WWP1: variants seen among roughly 807,000 people sequenced by gnomAD.
The protein encoded by WWP1 is WW domain containing E3 ubiquitin protein ligase 1, also known as NEDD4-like E3 ubiquitin-protein ligase WWP1.
A neutral mutation model predicts 130.6 loss-of-function variants in WWP1; 49 were observed. That is an observed-to-expected ratio of 0.38 (90% confidence interval 0.30 to 0.48). The LOEUF is 0.48. Ranked by LOEUF, WWP1 falls within the 20% of genes least tolerant of loss-of-function variation. WWP1 has a pLI of 0.99. For synonymous variants in WWP1, 332 were observed against 367.8 expected, an observed-to-expected ratio of 0.90 and a Z score of 1.11; for missense variants, 809 against 1,100.6, an observed-to-expected ratio of 0.74 and a Z score of 3.75.
chr8:86,422,951 G>A (rs1034330166), intron 9 of WWP1, among the ~76,000 whole-genome samples: 1 of 151,882 alleles, frequency 6.6e-6, no homozygotes, highest in Admixed American at 6.6e-5. Flanking sequence ...TCTTTAAGGC[G>A]ATTTCTGCTA....
At chr8:86,436,833 T>A (rs1810312007) in intron 16 of WWP1, among the ~76,000 whole-genome samples, 1 of 152,178 alleles carries the variant, frequency 6.6e-6, no homozygotes, top group African/African-American at 2.4e-5. Flanking sequence ...GGACTTTTAT[T>A]TATACTTTGT....
chr8:86,388,411 T>C (rs1165647910), intron 5 of WWP1, among the ~76,000 whole-genome samples: 4 of 152,206 alleles, frequency 2.6e-5, no homozygotes, highest in African/African-American at 4.8e-5. Context: ...GTTGTCTTTT[T>C]TGTAAGGATC....
chr8:86,407,613 A>G (rs1346642842), intron 8 of WWP1, among the ~76,000 whole-genome samples: 1 of 152,200 alleles, frequency 6.6e-6, no homozygotes, highest in Non-Finnish European at 1.5e-5. Flanking sequence ...TATGAACAGT[A>G]ATCTCTCCAG....
At position 86,412,895 on chromosome 8, in the gene WWP1, C is replaced by T. The variant is rs533148014; in HGVS notation, c.1061+1021C>T. Reference sequence around the variant, plus strand: ...CCAGGCTAGAGTGCAATGGCACGATCTTGGCTCACTGCAACTTCCGCCTCC... The same window carrying T: ...CCAGGCTAGAGTGCAATGGCACGATTTTGGCTCACTGCAACTTCCGCCTCC... On this transcript the variant is annotated intron_variant, in intron 9 of 24. Transcript: ENST00000517970. Among the ~76,000 whole-genome samples, 76 of 152,210 alleles carry T rather than the reference C, an allele frequency of 5.0e-4. 2 individuals are homozygous for T. Among genetic ancestry groups the T allele is most frequent in the Admixed American group, 4.0e-3 (61 of 15,290 alleles).
chr8:86,383,406 T>G (rs1334368920), intron 5 of WWP1, among the ~76,000 whole-genome samples: 1 of 152,218 alleles, frequency 6.6e-6, no homozygotes, highest in Non-Finnish European at 1.5e-5. Context: ...GGTTGTAATG[T>G]CAATACACTT....
chr8:86,370,967 G>C (rs1057246918), intron 2 of WWP1, among the ~76,000 whole-genome samples: 1 of 133,828 alleles, frequency 7.5e-6, no homozygotes, highest in Non-Finnish European at 1.5e-5. Flanking sequence ...CCGGGTTTAA[G>C]TAATTCTCCT....
intron 11 of WWP1, among the ~76,000 whole-genome samples, chr8:86,428,219 T>C (rs1809739895): frequency 1.3e-5 from 2 of 152,204 alleles, no homozygotes; most frequent in Non-Finnish European, 2.9e-5. Context: ...CTATTCTGAT[T>C]CTCTTCCCAG....
intron 9 of WWP1, among the ~76,000 whole-genome samples, chr8:86,416,908 C>G (rs1309008081): frequency 6.6e-6 from 1 of 152,104 alleles, no homozygotes; most frequent in Non-Finnish European, 1.5e-5. Flanking sequence ...CCCCCTTTAC[C>G]CCTGTACCAC....
At chr8:86,411,121 T>G (rs574914749) in intron 8 of WWP1, among the ~76,000 whole-genome samples, 3 of 152,258 alleles carry the variant, frequency 2.0e-5, no homozygotes, top group Non-Finnish European at 4.4e-5. Context: ...CAGTTCCTAC[T>G]ATTGGCAAAA....
At chr8:86,385,858 A>G (rs1469295302) in intron 5 of WWP1, among the ~76,000 whole-genome samples, 3 of 152,222 alleles carry the variant, frequency 2.0e-5, no homozygotes, top group East Asian at 3.8e-4. Flanking sequence ...ATCTTATTCT[A>G]TATAAAAATT....
At chr8:86,441,184 G>A (rs2130719165) in intron 17 of WWP1, among the ~76,000 whole-genome samples, 1 of 152,278 alleles carries the variant, frequency 6.6e-6, no homozygotes, top group East Asian at 1.9e-4. Context: ...CATCTGGAGG[G>A]TTTATTCCTA....
At chr8:86,466,506 A>T (rs1812152074) in intron 24 of WWP1, among the ~76,000 whole-genome samples, 1 of 151,840 alleles carries the variant, frequency 6.6e-6, no homozygotes, top group Admixed American at 6.6e-5. Flanking sequence ...GACTCATGAC[A>T]CATGTAACAG....
intron 1 of WWP1, among the ~76,000 whole-genome samples, chr8:86,357,332 T>C (rs1288473454): frequency 6.6e-6 from 1 of 152,228 alleles, no homozygotes; most frequent in East Asian, 1.9e-4. Context: ...CATGAGTCTT[T>C]ACACTTTTTT....
intron 9 of WWP1, among the ~76,000 whole-genome samples, chr8:86,412,776 G>A (rs1390468797): frequency 3.3e-5 from 5 of 150,014 alleles, no homozygotes; most frequent in Admixed American, 1.3e-4. Context: ...GCTTAATTAC[G>A]GTTTCAGCCT....
chr8:86,439,063 G>T (rs540540498), intron 17 of WWP1, among the ~76,000 whole-genome samples: 1 of 151,968 alleles, frequency 6.6e-6, no homozygotes, highest in African/African-American at 2.4e-5. Flanking sequence ...AGTTTTAAAG[G>T]CTGGACGTGG....
chr8:86,356,417 T>G (rs1480075845), intron 1 of WWP1, among the ~76,000 whole-genome samples: 1 of 151,440 alleles, frequency 6.6e-6, no homozygotes, highest in Non-Finnish European at 1.5e-5. Flanking sequence ...GAAAAACTTA[T>G]CAAATGCACG....
intron 1 of WWP1, among the ~76,000 whole-genome samples, chr8:86,359,304 A>C (rs7832493): frequency 0.73 from 111,146 of 152,064 alleles, 41,465 homozygotes; most frequent in African/African-American, 0.83. Flanking sequence ...AACCTATGCT[A>C]TAAACAACTC....
intron 17 of WWP1, chr8:86,442,127 T>C (rs990178239): frequency 6.6e-6 from 1 of 152,594 alleles, no homozygotes; most frequent in Non-Finnish European, 1.5e-5. Flanking sequence ...TGTATATACA[T>C]CCTAGAGTGC....
chr8:86,404,088 A>G (rs1423251443), intron 8 of WWP1, among the ~76,000 whole-genome samples: 1 of 152,200 alleles, frequency 6.6e-6, no homozygotes, highest in Admixed American at 6.5e-5. Flanking sequence ...AAAATCTGAA[A>G]CTGTTTGAGC....
Sources: allele counts gnomAD v4.1 joint callset (sites outside exome capture counted in the v4.1 genomes callset), GRCh38; gene constraint gnomAD v4.1.1; transcripts MANE v1.5; gene names NCBI Gene and HGNC (gene_info 2026-07-23, HGNC 2026-07-21).